Variants in TDRD9 observed in about 807,000 individuals in gnomAD.
TDRD9 encodes ATP-dependent RNA helicase TDRD9.
TDRD9 carries 124 observed loss-of-function variants against 172.6 expected under a neutral mutation model. That is an observed-to-expected ratio of 0.72 (90% CI 0.62 to 0.83). TDRD9 has a LOEUF of 0.83. Ranked by LOEUF, TDRD9 falls within the 40% of genes least tolerant of loss-of-function variation. TDRD9 has a pLI of 0.00. For synonymous variants in TDRD9, 619 were observed against 617.1 expected, an observed-to-expected ratio of 1.00 and a Z score of -0.05; for missense variants, 1,479 against 1,714.1, an observed-to-expected ratio of 0.86 and a Z score of 2.42.
chr14:103,974,905 T>G (rs2033174134), intron 6 of TDRD9, among the ~76,000 whole-genome samples: 1 of 152,098 alleles, frequency 6.6e-6, no homozygotes, highest in African/African-American at 2.4e-5. Flanking sequence ...GCACCTGGCC[T>G]TACTCTTTTT....
At chr14:104,048,633 C>A (rs2035850678) in intron 34 of TDRD9, among the ~76,000 whole-genome samples, 1 of 152,090 alleles carries the variant, frequency 6.6e-6, no homozygotes, top group Non-Finnish European at 1.5e-5. Flanking sequence ...TTTCTCAGGG[C>A]TTCCCAGGTT....
At position 104,031,116 on chromosome 14, in the gene TDRD9, T is replaced by G. The variant is rs1421853865; in HGVS notation, c.3291T>G (p.His1097Gln). 1 of 1,549,578 alleles carries G rather than the reference T, an allele frequency of 6.5e-7. No homozygotes were observed. The highest frequency in any genetic ancestry group is 2.0e-5 in the Admixed American group (1 of 50,276). Reference sequence around the variant, plus strand: ...TTTTCTTGTTTGTTCAGCAAAGCCATGAAGTTCTCAAGGGCCTCTTTTCCA... The same window carrying G: ...TTTTCTTGTTTGTTCAGCAAAGCCAGGAAGTTCTCAAGGGCCTCTTTTCCA... ...TEESYESKQSHEVLKGLFSKS... is the reference protein window; with the variant it reads ...TEESYESKQSQEVLKGLFSKS... The change falls in exon 29 of 36, where the codon CAT becomes CAG. Residue 1097 changes from histidine to glutamine, a missense_variant. This residue lies in a region of TDRD9 where 1,413 missense variants were observed against 1,649.1 expected (regional missense o/e 0.86). Coordinates refer to ENST00000409874, the MANE Select transcript of TDRD9 (RefSeq NM_153046.3).
chr14:104,008,747 A>G (rs981522051), intron 20 of TDRD9, among the ~76,000 whole-genome samples: 5 of 152,044 alleles, frequency 3.3e-5, no homozygotes, highest in African/African-American at 1.2e-4. Context: ...ATGTCTTTTC[A>G]GTATATGTCA....
At chr14:103,941,798 C>G in intron 1 of TDRD9, 4 of 878,998 alleles carry the variant, frequency 4.6e-6, no homozygotes, top group Non-Finnish European at 6.7e-6. Flanking sequence ...GAAAAGTGCA[C>G]GATTTTTTTT....
At chr14:104,007,711 C>T (rs893989481) in intron 19 of TDRD9, among the ~76,000 whole-genome samples, 1 of 151,668 alleles carries the variant, frequency 6.6e-6, no homozygotes, top group Non-Finnish European at 1.5e-5. Context: ...ACAGGTCTGC[C>T]GTTTCTGTGT....
Position 104,052,019 on chromosome 14 carries a change from G to A in TDRD9, c.4086G>A (p.Glu1362=). The stretch of plus-strand genomic sequence containing the variant: ...TGGTCATGGAGCAGGCCGACCGTGA[G>A]AGCAGCAGAGGGAAGAACACCTTTC... ...PKLVMEQADR[E]SSRGKNTFLY... Residue 1362 remains glutamate, a synonymous_variant, in exon 36 of 36, where the codon GAG becomes GAA. Coordinates refer to ENST00000409874, the MANE Select transcript of TDRD9 (RefSeq NM_153046.3). 6.3e-7 allele frequency: 1 copy of A among 1,596,980 alleles called. No individual in the cohort carries two copies. The highest frequency in any genetic ancestry group is 1.1e-5 in the South Asian group (1 of 87,562).
chr14:104,005,552 G>A (rs2034410448), intron 15 of TDRD9, 147 bp downstream of exon 15: 4 of 842,100 alleles, frequency 4.8e-6, no homozygotes, highest in East Asian at 2.7e-5. Context: ...TCACTTTCCC[G>A]CTAACTCTGT....
intron 19 of TDRD9, 104 bp downstream of exon 19, chr14:104,007,308 C>T (rs911704031): frequency 2.3e-5 from 25 of 1,090,862 alleles, no homozygotes; most frequent in East Asian, 2.0e-4. Flanking sequence ...GTGCCACCTG[C>T]GGCTGGAGTC....
intron 27 of TDRD9, 58 bp downstream of exon 27, chr14:104,026,194 G>A: frequency 8.3e-7 from 1 of 1,207,794 alleles, no homozygotes; most frequent in African/African-American, 1.5e-5. Context: ...ATTCCTGGGT[G>A]GATTCCTGGG....
chr14:103,987,123 TACACACACACACACACACACAC>T (rs143714763), intron 8 of TDRD9, among the ~76,000 whole-genome samples: 5 of 145,686 alleles, frequency 3.4e-5, no homozygotes, highest in Non-Finnish European at 4.5e-5. Flanking sequence ...AAAAAATATA[TACACACACACACACACACACAC>T]ACACACACAC....
In TDRD9 at chr14:104,042,201, T is replaced by G. The variant is rs1335616879; in HGVS notation, c.3974+14T>G. On this transcript the variant is annotated intron_variant, in intron 34 of 35. Transcript: ENST00000409874. ...GAAGCTTTTAGGGTAAGCTGTGTGA[T>G]GACGCGGGCTTCTTTTCTTCCCAGT... 2 of 1,553,956 alleles carry G rather than the reference T, an allele frequency of 1.3e-6. No individual in the cohort carries two copies. Among genetic ancestry groups the G allele is most frequent in the Non-Finnish European group, 1.8e-6 (2 of 1,126,094 alleles).
chr14:103,930,211 A>G (rs903438978), intron 1 of TDRD9, among the ~76,000 whole-genome samples: 1 of 149,872 alleles, frequency 6.7e-6, no homozygotes, highest in African/African-American at 2.5e-5. Context: ...TTTGAGACAT[A>G]GTTTCGCTCT....
At chr14:104,035,750 A>G (rs546211481) in intron 32 of TDRD9, among the ~76,000 whole-genome samples, 3 of 152,302 alleles carry the variant, frequency 2.0e-5, no homozygotes, top group African/African-American at 7.2e-5. Context: ...GCTGGGCAGG[A>G]TGGAAATGGC....
chr14:103,939,749 T>TG (rs58588499), intron 1 of TDRD9: 32,010 of 78,704 alleles, frequency 0.41, 9,036 homozygotes, highest in Non-Finnish European at 0.44. Context: ...AAGTGTTTTT[T>TG]TTTTTTTTTT....
intron 1 of TDRD9, among the ~76,000 whole-genome samples, chr14:103,945,944 T>C (rs1439981282): frequency 2.6e-5 from 4 of 151,804 alleles, no homozygotes; most frequent in African/African-American, 7.3e-5. Context: ...GGATTTTTCA[T>C]TGTGGGAAGA....
intron 29 of TDRD9, 115 bp from the exon 30 acceptor site, chr14:104,031,902 G>T: frequency 1.4e-6 from 1 of 694,474 alleles, no homozygotes. Flanking sequence ...AAGACATTAT[G>T]AATGAGATGT....
intron 8 of TDRD9, among the ~76,000 whole-genome samples, chr14:103,989,259 A>T (rs1219644070): frequency 6.6e-6 from 1 of 152,164 alleles, no homozygotes; most frequent in Admixed American, 6.5e-5. Flanking sequence ...GTGGCATGTC[A>T]TTATCCTCTT....
chr14:104,007,598 C>T lies in TDRD9; in HGVS notation c.2052+394C>T, dbSNP rs150024214. ...TTCTGTTTTCAGCTCTTTTAGATAA[C>T]GGGCTTAAAAGAAATGTAATCTGTT... On this transcript the variant is annotated intron_variant, in intron 19 of 35. Transcript: ENST00000409874. Among the ~76,000 whole-genome samples, 502 of 150,766 alleles carry T rather than the reference C, an allele frequency of 3.3e-3. 3 individuals are homozygous for T. Among genetic ancestry groups the T allele is most frequent in the African/African-American group, 0.011 (472 of 41,078 alleles).
chr14:104,034,160 A>G, intron 31 of TDRD9, 91 bp downstream of exon 31: 1 of 703,292 alleles, frequency 1.4e-6, no homozygotes, highest in Non-Finnish European at 2.5e-6. Context: ...TAATTGGTGA[A>G]CAAGTCTACA....
Sources: allele counts gnomAD v4.1 joint callset (sites outside exome capture counted in the v4.1 genomes callset), GRCh38; gene constraint gnomAD v4.1.1; regional missense constraint gnomAD v4.1.1; transcripts MANE v1.5; gene names NCBI Gene and HGNC (gene_info 2026-07-23, HGNC 2026-07-21).